ZCCHC7: variants seen among roughly 807,000 people sequenced by gnomAD.
ZCCHC7 encodes zinc finger CCHC-type containing 7.
A neutral mutation model predicts 52.0 loss-of-function variants in ZCCHC7; 35 were observed. The ratio of observed to expected loss-of-function variants is 0.67; its 90% CI spans 0.51 to 0.89. The LOEUF is 0.89. Ranked by LOEUF, ZCCHC7 falls within the 40% of genes least tolerant of loss-of-function variation. The pLI, the probability that ZCCHC7 is intolerant of heterozygous loss-of-function variation, is 0.00. For synonymous variants in ZCCHC7, 217 were observed against 221.5 expected, an observed-to-expected ratio of 0.98 and a Z score of 0.18; for missense variants, 574 against 649.1, an observed-to-expected ratio of 0.88 and a Z score of 1.26.
At chr9:37,268,013 A>G (rs1827200969) in intron 2 of ZCCHC7, among the ~76,000 whole-genome samples, 1 of 152,096 alleles carries the variant, frequency 6.6e-6, no homozygotes, top group East Asian at 1.9e-4. Context: ...TTGAAGTTGA[A>G]GATTTCCTCT....
At chr9:37,230,752 A>G (rs1473703905) in intron 2 of ZCCHC7, among the ~76,000 whole-genome samples, 2 of 152,116 alleles carry the variant, frequency 1.3e-5, no homozygotes, top group African/African-American at 4.8e-5. Context: ...TAATTTTTTT[A>G]TCTAGCTGGA....
intron 6 of ZCCHC7, among the ~76,000 whole-genome samples, chr9:37,339,269 G>A (rs2118450242): frequency 6.6e-6 from 1 of 152,282 alleles, no homozygotes; most frequent in Admixed American, 6.5e-5. Context: ...AAGTAATACT[G>A]TCAATATTTG....
At chr9:37,350,283 C>T (rs915798970) in intron 7 of ZCCHC7, among the ~76,000 whole-genome samples, 18 of 152,030 alleles carry the variant, frequency 1.2e-4, no homozygotes, top group Admixed American at 7.2e-4. Flanking sequence ...CGCATGCCAC[C>T]ATGCCCAGCT....
intron 2 of ZCCHC7, among the ~76,000 whole-genome samples, chr9:37,151,089 C>A (rs1820495343): frequency 6.6e-6 from 1 of 151,680 alleles, no homozygotes; most frequent in African/African-American, 2.4e-5. Context: ...CTAAGCCTCC[C>A]GAGTAGCTGG....
At chr9:37,229,492 A>G (rs1314239438) in intron 2 of ZCCHC7, among the ~76,000 whole-genome samples, 1 of 152,198 alleles carries the variant, frequency 6.6e-6, no homozygotes, top group Non-Finnish European at 1.5e-5. Context: ...CTTGTACGGC[A>G]TGTTATTGTA....
At position 37,126,432 on chromosome 9, in the gene ZCCHC7, C is replaced by G. The variant is rs1842540410; in HGVS notation, c.100C>G (p.Gln34Glu). 6.2e-7 allele frequency: 1 copy of G among 1,613,710 alleles called. No individual in the cohort carries two copies. Among genetic ancestry groups the G allele is most frequent in the African/African-American group, 1.3e-5 (1 of 74,876 alleles). Residue 34 changes from glutamine to glutamate, a missense_variant, in exon 2 of 9, where the codon CAA becomes GAA. By Grantham distance (29) the Gln-to-Glu change is conservative (BLOSUM62 2). Transcript: ENST00000336755. ...ELSVDSEVEFQLYSQIHYAQD... is the reference protein window; with the variant it reads ...ELSVDSEVEFELYSQIHYAQD... ...GAGTGTTGATAGTGAGGTGGAATTT[C>G]AACTCTATAGCCAAATTCATTATGC... is the stretch of plus-strand genomic sequence containing the variant.
At chr9:37,336,455 G>T (rs1316307081) in intron 6 of ZCCHC7, among the ~76,000 whole-genome samples, 1 of 152,126 alleles carries the variant, frequency 6.6e-6, no homozygotes, top group Non-Finnish European at 1.5e-5. Flanking sequence ...TGTGATCGAT[G>T]GTTAAGAGTA....
At chr9:37,302,123 T>A in intron 2 of ZCCHC7, 65 bp from the exon 3 acceptor site, 3 of 1,308,168 alleles carry the variant, frequency 2.3e-6, no homozygotes, top group Admixed American at 3.8e-5. Flanking sequence ...AATTGTGTAA[T>A]CTATTGTCAA....
Position 37,130,622 on chromosome 9 carries a change from A to G in ZCCHC7, c.610+3680A>G, listed in dbSNP as rs181859491. On this transcript the variant is annotated intron_variant, in intron 2 of 8. Coordinates refer to ENST00000336755, the MANE Select transcript of ZCCHC7 (RefSeq NM_032226.3). ...ATTCTCCTGCCTCAGCCTCCCAAGTAGCTGGGACTACAGGCACCTGCCACC... is the reference window on the plus strand; with the variant it reads ...ATTCTCCTGCCTCAGCCTCCCAAGTGGCTGGGACTACAGGCACCTGCCACC... 6.2e-3 allele frequency among the ~76,000 whole-genome samples: 933 copies of G among 151,058 alleles called. 3 individuals carry two copies. Among genetic ancestry groups the G allele is most frequent in the African/African-American group, 0.021 (873 of 41,152 alleles).
chr9:37,201,857 TATC>T (rs1043780533), intron 2 of ZCCHC7, among the ~76,000 whole-genome samples: 1 of 152,246 alleles, frequency 6.6e-6, no homozygotes, highest in African/African-American at 2.4e-5. Flanking sequence ...AAACTCATAT[TATC>T]TGCATTGCAC....
intron 2 of ZCCHC7, among the ~76,000 whole-genome samples, chr9:37,167,011 G>A (rs994749279): frequency 2.8e-4 from 42 of 152,074 alleles, no homozygotes; most frequent in Non-Finnish European, 5.9e-5. Context: ...GCCATTTAAA[G>A]GTCAGATTTT....
intron 6 of ZCCHC7, among the ~76,000 whole-genome samples, chr9:37,338,011 A>G (rs968749787): frequency 5.3e-5 from 8 of 152,208 alleles, no homozygotes; most frequent in South Asian, 2.1e-4. Flanking sequence ...AAAATTAGCT[A>G]TGGCCCAATG....
chr9:37,326,932 A>G (rs561422710), intron 5 of ZCCHC7: 2 of 152,226 alleles, frequency 1.3e-5, no homozygotes, highest in South Asian at 2.1e-4. Flanking sequence ...CCATTTATAT[A>G]GTTACAAACA....
chr9:37,333,485 T>A (rs1042297482), intron 6 of ZCCHC7, among the ~76,000 whole-genome samples: 10 of 151,740 alleles, frequency 6.6e-5, no homozygotes, highest in African/African-American at 2.4e-4. Flanking sequence ...TATTTAGGAC[T>A]TAAATATGTC....
At chr9:37,306,114 C>T (rs747247210) in intron 5 of ZCCHC7, among the ~76,000 whole-genome samples, 1 of 152,132 alleles carries the variant, frequency 6.6e-6, no homozygotes, top group Admixed American at 6.6e-5. Context: ...GTCACCCAGG[C>T]TGGAGTGCGG....
chr9:37,169,107 T>C (rs1821589214), intron 2 of ZCCHC7, among the ~76,000 whole-genome samples: 1 of 152,174 alleles, frequency 6.6e-6, no homozygotes, highest in African/African-American at 2.4e-5. Context: ...TCCCAGTAAA[T>C]GAACTGGAAT....
chr9:37,266,599 C>G (rs541698179), intron 2 of ZCCHC7, among the ~76,000 whole-genome samples: 110 of 152,234 alleles, frequency 7.2e-4, no homozygotes, highest in African/African-American at 2.4e-3. Flanking sequence ...ACCAGCTTGG[C>G]ATGGTGGCTC....
At chr9:37,191,290 C>A (rs1463173083) in intron 2 of ZCCHC7, among the ~76,000 whole-genome samples, 1 of 152,034 alleles carries the variant, frequency 6.6e-6, no homozygotes, top group Non-Finnish European at 1.5e-5. Context: ...TAGGAAGTTT[C>A]TTTTTGTTTG....
At chr9:37,272,553 C>G (rs668650) in intron 2 of ZCCHC7, among the ~76,000 whole-genome samples, 10 of 150,678 alleles carry the variant, frequency 6.6e-5, no homozygotes. Context: ...ACGCACATCC[C>G]TTCTCCACCA....
Sources: allele counts gnomAD v4.1 joint callset (sites outside exome capture counted in the v4.1 genomes callset), GRCh38; gene constraint gnomAD v4.1.1; transcripts MANE v1.5; gene names NCBI Gene and HGNC (gene_info 2026-07-23, HGNC 2026-07-21).